CCSER2: variants seen among roughly 807,000 people sequenced by gnomAD.
CCSER2 encodes serine-rich coiled-coil domain-containing protein 2.
In CCSER2, 46 loss-of-function variants were observed where a neutral mutation model predicts 92.3. The observed-to-expected ratio is 0.50, with a 90% CI of 0.39 to 0.64. The LOEUF (loss-of-function observed/expected upper bound fraction) is 0.64, where lower values mean the gene tolerates loss of function less well. CCSER2 is among the 30% of genes least tolerant of loss of function. The pLI, the probability that CCSER2 is intolerant of heterozygous loss-of-function variation, is 0.00. For synonymous variants in CCSER2, 433 were observed against 431.4 expected (o/e 1.00, Z -0.04); for missense variants, 1,244 against 1,238.9 (o/e 1.00, Z -0.06).
At chr10:84,484,305 G>A (rs1041557793) in intron 9 of CCSER2, among the ~76,000 whole-genome samples, 3 of 151,880 alleles carry the variant, frequency 2.0e-5, no homozygotes, top group African/African-American at 7.3e-5. Context: ...TAGAGATGGG[G>A]TTTCACCATA....
At chr10:84,484,088 C>A (rs1329979840) in intron 9 of CCSER2, among the ~76,000 whole-genome samples, 3 of 150,196 alleles carry the variant, frequency 2.0e-5, no homozygotes, top group African/African-American at 7.3e-5. Flanking sequence ...ATTCCCCTGC[C>A]TCAGCCTCCC....
At chr10:84,380,998 C>T (rs750994511) in intron 3 of CCSER2, among the ~76,000 whole-genome samples, 32 of 152,140 alleles carry the variant, frequency 2.1e-4, no homozygotes, top group Non-Finnish European at 3.5e-4. Context: ...CCATGCCCAG[C>T]CTCTCTGTGT....
chr10:84,459,288 A>T (rs776340073), intron 6 of CCSER2, among the ~76,000 whole-genome samples: 9 of 152,088 alleles, frequency 5.9e-5, no homozygotes, highest in Non-Finnish European at 1.2e-4. Flanking sequence ...TACTTTTATT[A>T]TAGATACTTA....
In CCSER2 at chr10:84,335,173, A is replaced by G. The variant is rs576296101; in HGVS notation, c.-40+6365A>G. Among the ~76,000 whole-genome samples, 7 of 148,654 alleles carry G rather than the reference A, an allele frequency of 4.7e-5. No individual in the cohort carries two copies. The East Asian group carries it at 7.9e-4, about 17-fold the overall frequency. On this transcript the variant is annotated intron_variant, in intron 1 of 9. Coordinates refer to ENST00000372088, the MANE Select transcript of CCSER2 (RefSeq NM_001284240.2). ...GCCTGGTATTGAAAAGCCCAGTGAC[A>G]TCTTGTATCTGAGCAAGTGTTTTCT...
At chr10:84,499,799 C>A in intron 9 of CCSER2, 1 of 1,453,106 alleles carries the variant, frequency 6.9e-7, no homozygotes, top group Non-Finnish European at 9.6e-7. Flanking sequence ...AAAAGTAAAA[C>A]AAAGTATGAC....
chr10:84,478,988 G>C (rs1847308504), intron 9 of CCSER2, among the ~76,000 whole-genome samples: 1 of 152,150 alleles, frequency 6.6e-6, no homozygotes, highest in Admixed American at 6.5e-5. Flanking sequence ...GGGCTTTCCA[G>C]GTGTCTCCAT....
chr10:84,361,576 CAT>C (rs1411107985), intron 1 of CCSER2, among the ~76,000 whole-genome samples: 3 of 152,050 alleles, frequency 2.0e-5, no homozygotes, highest in African/African-American at 7.2e-5. Context: ...TGTATTGTTG[CAT>C]ATAGCAATAA....
intron 1 of CCSER2, among the ~76,000 whole-genome samples, chr10:84,340,296 G>C (rs1844103294): frequency 6.6e-6 from 1 of 152,038 alleles, no homozygotes; most frequent in Admixed American, 6.5e-5. Context: ...TATAGTATTT[G>C]CTGTATTTTA....
At chr10:84,446,234 TTTATA>T in intron 6 of CCSER2, among the ~76,000 whole-genome samples, 1 of 152,316 alleles carries the variant, frequency 6.6e-6, no homozygotes, top group Admixed American at 6.5e-5. Flanking sequence ...ATTCCTATGA[TTTATA>T]TTATGTCTAC....
chr10:84,330,924 G>T (rs1360931621), intron 1 of CCSER2, among the ~76,000 whole-genome samples: 4 of 152,152 alleles, frequency 2.6e-5, no homozygotes, highest in African/African-American at 9.7e-5. Flanking sequence ...CAGGTAGAAA[G>T]GGATGGCGGG....
intron 4 of CCSER2, among the ~76,000 whole-genome samples, chr10:84,424,028 T>C (rs1373511841): frequency 6.7e-6 from 1 of 149,766 alleles, no homozygotes; most frequent in Non-Finnish European, 1.5e-5. Context: ...GGCTTGTGCC[T>C]GTAGTCCTAG....
intron 5 of CCSER2, among the ~76,000 whole-genome samples, chr10:84,431,767 G>A (rs1403246801): frequency 1.3e-5 from 2 of 152,124 alleles, no homozygotes; most frequent in South Asian, 2.1e-4. Flanking sequence ...ATATTTTGTT[G>A]TATGGCTGTA....
chr10:84,402,847 A>G (rs1302539435), intron 3 of CCSER2, among the ~76,000 whole-genome samples: 1 of 152,232 alleles, frequency 6.6e-6, no homozygotes, highest in Non-Finnish European at 1.5e-5. Flanking sequence ...GACATTCTCT[A>G]CGTGGAAGAC....
At chr10:84,472,416 A>G (rs1003869137) in intron 8 of CCSER2, among the ~76,000 whole-genome samples, 9 of 152,208 alleles carry the variant, frequency 5.9e-5, no homozygotes, top group African/African-American at 2.2e-4. Context: ...TAAAAATACA[A>G]AAAATTTAGC....
chr10:84,361,792 C>T (rs1205951339), intron 1 of CCSER2, among the ~76,000 whole-genome samples: 1 of 152,048 alleles, frequency 6.6e-6, no homozygotes, highest in East Asian at 1.9e-4. Context: ...AGGCATGCAC[C>T]ACCATGCCTG....
chr10:84,354,179 G>C (rs1225860526), intron 1 of CCSER2, among the ~76,000 whole-genome samples: 1 of 151,978 alleles, frequency 6.6e-6, no homozygotes, highest in East Asian at 1.9e-4. Flanking sequence ...TGCCTGGGTG[G>C]GTGACAGAGG....
intron 7 of CCSER2, among the ~76,000 whole-genome samples, chr10:84,464,730 C>T (rs1261596304): frequency 6.6e-6 from 1 of 152,146 alleles, no homozygotes. Flanking sequence ...GTGTCTTCCT[C>T]ATTCTGGGAT....
At chr10:84,436,461 C>T (rs1844155053) in intron 5 of CCSER2, among the ~76,000 whole-genome samples, 1 of 151,218 alleles carries the variant, frequency 6.6e-6, no homozygotes, top group African/African-American at 2.4e-5. Context: ...CGGTAAAACC[C>T]CGTCTGTACT....
chr10:84,479,536 AG>A (rs917564922), intron 9 of CCSER2, among the ~76,000 whole-genome samples: 2 of 152,232 alleles, frequency 1.3e-5, no homozygotes, highest in Non-Finnish European at 2.9e-5. Flanking sequence ...GTAGTAGAAA[AG>A]GGGAAAGGAG....
Sources: gnomAD v4.1 joint callset for allele counts (sites outside exome capture counted in the v4.1 genomes callset) on GRCh38, gnomAD v4.1.1 for gene constraint, MANE v1.5 for transcripts, NCBI Gene and HGNC (gene_info 2026-07-23, HGNC 2026-07-21) for gene names.